POC1A: variants seen among roughly 807,000 people sequenced by gnomAD.
POC1A encodes the protein POC1 centriolar protein homolog A.
Under a neutral mutation model 47.8 loss-of-function variants are expected in POC1A, and 34 were observed. That is an observed-to-expected ratio of 0.71 (90% CI 0.54 to 0.95). POC1A has a LOEUF of 0.95. POC1A is among the 40% of genes least tolerant of loss of function. The probability of loss-of-function intolerance (pLI) is 0.00; values close to 1 mark genes in which losing one functional copy is unlikely to be tolerated. For missense variants in POC1A, 466 were observed against 528.3 expected (o/e 0.88, Z 1.16); for synonymous variants, 177 against 207.6 (o/e 0.85, Z 1.27).
chr3:52,096,681 CT>C lies in POC1A; in HGVS notation c.1012del (p.Arg338GlufsTer16), dbSNP rs1702827005. The C allele has an allele frequency of 6.2e-7, 1 of 1,605,806 alleles. No homozygotes were observed. Among genetic ancestry groups the C allele is most frequent in the African/African-American group, 1.4e-5 (1 of 74,072 alleles). ...CTGCACAGACTCCACACTCCTGCCTCTGCCTGGGGGGACAGGGAAGTCCACT... is the reference window on the plus strand; with the variant it reads ...CTGCACAGACTCCACACTCCTGCCTCGCCTGGGGGGACAGGGAAGTCCACT... ...PEVDFPVPPG[R>X]GRSVESVQSQ... On this transcript the variant is annotated frameshift_variant, in exon 10 of 11. Transcript: ENST00000296484. LOFTEE classifies it high-confidence loss of function.
At chr3:52,125,059 GAAATC>G in intron 8 of POC1A, 49 bp downstream of exon 8, 1 of 1,387,706 alleles carries the variant, frequency 7.2e-7, no homozygotes, top group Non-Finnish European at 1.0e-6. Context: ...GTTCTGAGCA[GAAATC>G]AGCTCAGATT....
intron 7 of POC1A, 101 bp from the exon 8 acceptor site, chr3:52,125,282 TA>T: frequency 1.0e-6 from 1 of 1,000,532 alleles, no homozygotes; most frequent in South Asian, 1.4e-5. Context: ...AGCAGCAGGA[TA>T]AAGGACCGAG....
chr3:52,106,246 G>T (rs137881112), intron 9 of POC1A, among the ~76,000 whole-genome samples: 149 of 151,150 alleles, frequency 9.9e-4, no homozygotes, highest in African/African-American at 3.4e-3. Flanking sequence ...AGTCCACACG[G>T]TAACCTCCAA....
chr3:52,138,203 T>C lies in POC1A; in HGVS notation c.779A>G (p.Glu260Gly). 1 of 1,614,042 alleles carries C rather than the reference T, an allele frequency of 6.2e-7. No individual in the cohort carries two copies. Residue 260 changes from glutamate (E) to glycine (G), a missense_variant, in exon 7 of 11, where the codon GAG becomes GGG. Physicochemically the swap from Glu to Gly is moderately conservative, Grantham distance 98. Coordinates refer to ENST00000296484, the MANE Select transcript of POC1A (RefSeq NM_015426.5). ...GTGGAGTGTGTAGAGCAGCCGGCCC[T>C]CCATCAGGTCCAGGATCTTCAGGGT... ...DSTLKILDLMEGRLLYTLHGH... is the reference protein window; with the variant it reads ...DSTLKILDLMGGRLLYTLHGH...
In POC1A at chr3:52,091,366, T is replaced by C. The variant is rs540547215; in HGVS notation, c.1125+5203A>G. The stretch of plus-strand genomic sequence containing the variant: ...CCTCCAAAGAAAATCTTCAGTTCCA[T>C]TGTTAGGAAATACATGTTCCCTAAA... On this transcript the variant is annotated intron_variant, in intron 10 of 10. Transcript: ENST00000296484. Among the ~76,000 whole-genome samples the C allele has an allele frequency of 1.2e-4, 19 of 152,204 alleles. No homozygotes were observed. In the South Asian group the frequency reaches 1.7e-3, roughly 13 times the overall value.
chr3:52,112,691 G>C (rs1413532578), intron 9 of POC1A, among the ~76,000 whole-genome samples: 2 of 152,156 alleles, frequency 1.3e-5, no homozygotes, highest in South Asian at 2.1e-4. Flanking sequence ...AAAGAACCAA[G>C]GTCATACCCT....
Position 52,149,264 on chromosome 3 carries a change from C to T in POC1A, c.401G>A (p.Arg134His), listed in dbSNP as rs763745798. 22 of 1,614,154 alleles carry T rather than the reference C, an allele frequency of 1.4e-5. No individual in the cohort carries two copies. The East Asian group carries it at 1.6e-4, about 11-fold the overall frequency. The stretch of plus-strand genomic sequence containing the variant: ...GCTCAGGGAGAACAGGAATTTCTGG[C>T]GATGAGTTGCCCACACTTTGACTGT... Reference protein sequence around the residue: ...DKTVKVWATHRQKFLFSLSQH... With the variant: ...DKTVKVWATHHQKFLFSLSQH... Residue 134 changes from arginine to histidine, a missense_variant, in exon 4 of 11, where the codon CGC (arginine) becomes CAC (histidine). Physicochemically the swap from Arg to His is conservative, Grantham distance 29. Transcript: ENST00000296484.
In POC1A at chr3:52,079,430, G is replaced by A. The variant is rs540670343; in HGVS notation, c.1126-3445C>T. On this transcript the variant is annotated intron_variant, in intron 10 of 10. Transcript: ENST00000296484. The surrounding 1 kb of genome is among the most constrained non-coding windows in gnomAD (Gnocchi z 4.6). ...GGAGGGTGAGGAGGAGCGCTCTGCA[G>A]GCAAATACCTCTGCGGCCTCCCCGG... is the stretch of plus-strand genomic sequence containing the variant. Among the ~76,000 whole-genome samples the A allele has an allele frequency of 1.1e-4, 16 of 152,346 alleles. No homozygotes were observed. The highest frequency in any genetic ancestry group is 3.1e-4 in the African/African-American group (13 of 41,576).
At chr3:52,124,386 G>C (rs976288548) in intron 8 of POC1A, among the ~76,000 whole-genome samples, 2 of 152,240 alleles carry the variant, frequency 1.3e-5, no homozygotes, top group African/African-American at 2.4e-5. Flanking sequence ...GTGGTTAGCA[G>C]TCAGGGCACA....
chr3:52,127,547 C>G (rs757633619), intron 7 of POC1A, among the ~76,000 whole-genome samples: 41 of 151,712 alleles, frequency 2.7e-4, no homozygotes, highest in Non-Finnish European at 1.2e-4. Flanking sequence ...CCCGCCACCA[C>G]GCCCAGCTAA....
intron 9 of POC1A, among the ~76,000 whole-genome samples, chr3:52,097,895 C>A (rs767583121): frequency 2.0e-5 from 3 of 152,234 alleles, no homozygotes; most frequent in Non-Finnish European, 4.4e-5. Context: ...AATCAACGTG[C>A]TTCAGATCTC....
At chr3:52,076,341 G>A (rs1047728037) in intron 10 of POC1A, among the ~76,000 whole-genome samples, 1 of 152,186 alleles carries the variant, frequency 6.6e-6, no homozygotes, top group Admixed American at 6.5e-5. Flanking sequence ...GAGTTCTGCA[G>A]CAAAACCAGT....
intron 9 of POC1A, among the ~76,000 whole-genome samples, chr3:52,109,546 A>C (rs938943095): frequency 2.0e-5 from 3 of 152,100 alleles, no homozygotes; most frequent in African/African-American, 7.2e-5. Flanking sequence ...AGCTGATCCA[A>C]GGCAAGTGGG....
At chr3:52,139,592 T>C (rs2107166048) in intron 6 of POC1A, among the ~76,000 whole-genome samples, 1 of 152,268 alleles carries the variant, frequency 6.6e-6, no homozygotes, top group Admixed American at 6.5e-5. Flanking sequence ...ACCCCCTTCA[T>C]TTGTCCTTCC....
At chr3:52,128,224 A>T (rs1191199698) in intron 7 of POC1A, among the ~76,000 whole-genome samples, 3 of 152,044 alleles carry the variant, frequency 2.0e-5, no homozygotes, top group Non-Finnish European at 4.4e-5. Flanking sequence ...CTTGCAGGTC[A>T]CTCTCCTTTC....
chr3:52,149,074 A>AGGAAAC, intron 4 of POC1A, 136 bp downstream of exon 4: 1 of 662,352 alleles, frequency 1.5e-6, no homozygotes, highest in South Asian at 1.9e-5. Context: ...TTTACAGATA[A>AGGAAAC]GGAAACCGAG....
chr3:52,107,309 G>A (rs906497857), intron 9 of POC1A, among the ~76,000 whole-genome samples: 1 of 152,208 alleles, frequency 6.6e-6, no homozygotes, highest in African/African-American at 2.4e-5. Context: ...AGAGGGGGAG[G>A]ACTGCATGGT....
At chr3:52,149,694 T>G (rs1279628740) in intron 3 of POC1A, 122 bp downstream of exon 3, 5 of 969,498 alleles carry the variant, frequency 5.2e-6, no homozygotes, top group Non-Finnish European at 7.8e-6. Flanking sequence ...TGGCACCTCT[T>G]CCAAAGCAGA....
intron 7 of POC1A, among the ~76,000 whole-genome samples, chr3:52,130,089 C>G (rs1277758174): frequency 6.6e-6 from 1 of 152,240 alleles, no homozygotes; most frequent in African/African-American, 2.4e-5. Flanking sequence ...TGCCTGAACT[C>G]TGACTGCATG....
Sources: gnomAD v4.1 joint callset for allele counts (sites outside exome capture counted in the v4.1 genomes callset) on GRCh38, gnomAD v4.1.1 for gene constraint, Gnocchi (gnomAD v3.1) non-coding constraint, MANE v1.5 for transcripts, NCBI Gene and HGNC (gene_info 2026-07-23, HGNC 2026-07-21) for gene names.